The following PDZD2 variants were observed in gnomAD, a reference collection of about 807,000 sequenced individuals.
The protein encoded by PDZD2 is PDZ domain-containing protein 2.
Under a neutral mutation model 220.7 loss-of-function variants are expected in PDZD2, and 90 were observed. The ratio of observed to expected loss-of-function variants is 0.41; its 90% confidence interval spans 0.34 to 0.49. The LOEUF is 0.49. PDZD2 is among the 20% of genes least tolerant of loss of function. The probability of loss-of-function intolerance (pLI) is 0.28; values close to 1 mark genes in which losing one functional copy is unlikely to be tolerated. For synonymous variants in PDZD2, 1,375 were observed against 1,450.5 expected (o/e 0.95, Z 1.18); for missense variants, 3,174 against 3,608.5 (o/e 0.88, Z 3.08).
At position 32,098,282 on chromosome 5, in the gene PDZD2, T is replaced by C. The variant is rs1441145932; in HGVS notation, c.7948-82T>C. ...AAAAGGAAGGTTCCTTTACTACAGATACGCAGTTAGTTACTATCTCCCTTT... is the reference window on the plus strand; with the variant it reads ...AAAAGGAAGGTTCCTTTACTACAGACACGCAGTTAGTTACTATCTCCCTTT... On this transcript the variant is annotated intron_variant, in intron 22 of 24. Coordinates refer to ENST00000438447, the MANE Select transcript of PDZD2 (RefSeq NM_178140.4). This position sits in a 1 kb window ranked among gnomAD's most constrained non-coding sequence, Gnocchi z 4.1. 1 of 1,335,340 alleles carries C rather than the reference T, an allele frequency of 7.5e-7. No homozygotes were observed. Among genetic ancestry groups the C allele is most frequent in the Non-Finnish European group, 1.0e-6 (1 of 955,228 alleles). The allele number at this position is 1,335,340 out of a possible 1,614,324, so 82.7% of individuals were successfully genotyped here.
chr5:32,020,642 C>T (rs1350064874), intron 6 of PDZD2, among the ~76,000 whole-genome samples: 1 of 146,256 alleles, frequency 6.8e-6, no homozygotes, highest in Non-Finnish European at 1.5e-5. Flanking sequence ...ACAAAATGAT[C>T]TTTTTTTTTT....
intron 2 of PDZD2, among the ~76,000 whole-genome samples, chr5:31,882,247 T>C (rs66918781): frequency 0.054 from 8,152 of 152,266 alleles, 403 homozygotes; most frequent in African/African-American, 0.13. Flanking sequence ...AGGAGGAAGC[T>C]CAGACTTAGA....
At chr5:31,802,236 A>G (rs13157213) in intron 2 of PDZD2, among the ~76,000 whole-genome samples, 87,761 of 151,912 alleles carry the variant, frequency 0.58, 27,014 homozygotes, top group African/African-American at 0.81. Flanking sequence ...AGGGAGGTTC[A>G]CTGTAGCTGC....
chr5:31,963,023 CCTG>C (rs1181135389), intron 2 of PDZD2, among the ~76,000 whole-genome samples: 1 of 152,136 alleles, frequency 6.6e-6, no homozygotes, highest in Non-Finnish European at 1.5e-5. Flanking sequence ...CCTGTTATTT[CCTG>C]CTGAGAACAC....
intron 1 of PDZD2, among the ~76,000 whole-genome samples, chr5:31,654,155 A>G (rs1394761028): frequency 6.6e-6 from 1 of 152,206 alleles, no homozygotes; most frequent in Non-Finnish European, 1.5e-5. Context: ...AATGCACATT[A>G]GAAACTGCTC....
chr5:31,998,208 C>T (rs1283269570), intron 4 of PDZD2, among the ~76,000 whole-genome samples: 1 of 152,160 alleles, frequency 6.6e-6, no homozygotes, highest in Non-Finnish European at 1.5e-5. Context: ...TAGGAAACAG[C>T]TCCTGAGTGG....
At chr5:31,995,936 C>T (rs1321010664) in intron 4 of PDZD2, among the ~76,000 whole-genome samples, 1 of 152,176 alleles carries the variant, frequency 6.6e-6, no homozygotes, top group Non-Finnish European at 1.5e-5. Context: ...ATTGCAAGAT[C>T]TTCTAAAACA....
At chr5:31,958,479 C>T (rs1308908021) in intron 2 of PDZD2, among the ~76,000 whole-genome samples, 1 of 152,036 alleles carries the variant, frequency 6.6e-6, no homozygotes, top group Non-Finnish European at 1.5e-5. Context: ...GTGTCGAACT[C>T]CTGACCTCAA....
chr5:32,105,148 AAT>A (rs1744644874), intron 24 of PDZD2, among the ~76,000 whole-genome samples: 1 of 151,998 alleles, frequency 6.6e-6, no homozygotes, highest in Admixed American at 6.6e-5. Flanking sequence ...AAAAACAATC[AAT>A]CAATCAATCA....
chr5:31,730,861 C>T (rs1749498708), intron 1 of PDZD2, among the ~76,000 whole-genome samples: 1 of 152,116 alleles, frequency 6.6e-6, no homozygotes, highest in South Asian at 2.1e-4. Flanking sequence ...GGTGATAGTT[C>T]TCTTGGCCAA....
At chr5:32,031,567 G>C (rs1440989564) in intron 6 of PDZD2, among the ~76,000 whole-genome samples, 2 of 152,060 alleles carry the variant, frequency 1.3e-5, no homozygotes, top group African/African-American at 4.8e-5. Flanking sequence ...GATCTCCATT[G>C]GTTTCTCTTT....
chr5:31,731,064 T>C (rs975808101), intron 1 of PDZD2, among the ~76,000 whole-genome samples: 3 of 152,256 alleles, frequency 2.0e-5, no homozygotes, highest in African/African-American at 7.2e-5. Context: ...TTGCTTGGCC[T>C]TTTGACTTGC....
chr5:31,972,159 G>C (rs1749358251), intron 2 of PDZD2, among the ~76,000 whole-genome samples: 3 of 152,148 alleles, frequency 2.0e-5, no homozygotes, highest in Admixed American at 2.0e-4. Flanking sequence ...CATTGCCCAG[G>C]CTGGAGTGCA....
chr5:31,676,882 A>G (rs1746449607), intron 1 of PDZD2, among the ~76,000 whole-genome samples: 1 of 151,976 alleles, frequency 6.6e-6, no homozygotes, highest in Non-Finnish European at 1.5e-5. Flanking sequence ...TGACTCGTCT[A>G]AGGCATACGG....
At chr5:31,960,979 C>G (rs982587786) in intron 2 of PDZD2, among the ~76,000 whole-genome samples, 1 of 152,100 alleles carries the variant, frequency 6.6e-6, no homozygotes, top group African/African-American at 2.4e-5. Flanking sequence ...GCACTGAGCC[C>G]AATGCCATCA....
At chr5:31,824,579 A>G (rs1414623625) in intron 2 of PDZD2, among the ~76,000 whole-genome samples, 2 of 151,594 alleles carry the variant, frequency 1.3e-5, no homozygotes, top group African/African-American at 4.9e-5. Flanking sequence ...GCCTGCCTTG[A>G]TCCTTTTGTA....
chr5:31,974,318 G>T (rs975224399), intron 2 of PDZD2, among the ~76,000 whole-genome samples: 2 of 151,954 alleles, frequency 1.3e-5, no homozygotes, highest in East Asian at 3.9e-4. Context: ...TGCATTTCAG[G>T]CTGGGCGACA....
intron 2 of PDZD2, among the ~76,000 whole-genome samples, chr5:31,858,686 T>G (rs1019103549): frequency 2.0e-5 from 3 of 152,142 alleles, no homozygotes; most frequent in African/African-American, 7.2e-5. Context: ...TTTGCATTTC[T>G]CTTTTCCTTC....
At chr5:32,020,356 CTGAAAT>C (rs1170530654) in intron 6 of PDZD2, among the ~76,000 whole-genome samples, 9 of 151,948 alleles carry the variant, frequency 5.9e-5, no homozygotes, top group African/African-American at 1.9e-4. Flanking sequence ...AGAAATGAAA[CTGAAAT>C]AAAAATTTCT....
Sources: gnomAD v4.1 joint callset for allele counts (sites outside exome capture counted in the v4.1 genomes callset) on GRCh38, gnomAD v4.1.1 for gene constraint, Gnocchi (gnomAD v3.1) non-coding constraint, MANE v1.5 for transcripts, NCBI Gene and HGNC (gene_info 2026-07-23, HGNC 2026-07-21) for gene names.